The following CAGE1 variants were observed in gnomAD, a reference collection of about 807,000 sequenced individuals.
The protein encoded by CAGE1 is cancer-associated gene 1 protein.
A neutral mutation model predicts 94.9 loss-of-function variants in CAGE1; 66 were observed. That is an observed-to-expected ratio of 0.70 (90% CI 0.57 to 0.85). The LOEUF is 0.85. Ranked by LOEUF, CAGE1 falls within the 40% of genes least tolerant of loss-of-function variation. The pLI, the probability that CAGE1 is intolerant of heterozygous loss-of-function variation, is 0.00. For missense variants in CAGE1, 865 were observed against 950.4 expected (o/e 0.91, Z 1.18); for synonymous variants, 319 against 321.0 (o/e 0.99, Z 0.07).
At chr6:7,328,927 TATATATA>T (rs369091906) in intron 13 of CAGE1, among the ~76,000 whole-genome samples, 166 of 103,170 alleles carry the variant, frequency 1.6e-3, no homozygotes, top group East Asian at 0.015. Context: ...TGTATATATA[TATATATA>T]TTTTTTTTTT....
intron 13 of CAGE1, among the ~76,000 whole-genome samples, chr6:7,328,925 TATA>T (rs1561843919): frequency 1.2e-4 from 12 of 101,044 alleles, no homozygotes; most frequent in East Asian, 5.6e-4. Context: ...TGTGTATATA[TATA>T]TATATATTTT....
At chr6:7,346,038 CTGATGA>C (rs1328138767) in intron 11 of CAGE1, among the ~76,000 whole-genome samples, 3 of 151,780 alleles carry the variant, frequency 2.0e-5, no homozygotes, top group African/African-American at 7.3e-5. Flanking sequence ...GAATATTGTT[CTGATGA>C]TGTGTGTATT....
In CAGE1 at chr6:7,389,407, T is replaced by G. The variant is rs1243404090; in HGVS notation, c.-229A>C. 4.5e-6 allele frequency: 2 copies of G among 448,926 alleles called. No homozygotes were observed. Among genetic ancestry groups the G allele is most frequent in the Non-Finnish European group, 9.0e-6 (2 of 222,784 alleles). The allele number at this position is 448,926 out of a possible 1,614,324, so 27.8% of individuals were successfully genotyped here. ...ACCAAGGACTCTCACAAACTCGCAA[T>G]CGGGCTCCCGGAGTGCTGGAACGCC... On this transcript the variant is annotated 5_prime_UTR_variant, in exon 1 of 14. Transcript: ENST00000502583.
chr6:7,344,520 G>A (rs949158507), intron 11 of CAGE1, among the ~76,000 whole-genome samples: 2 of 152,226 alleles, frequency 1.3e-5, no homozygotes, highest in Non-Finnish European at 2.9e-5. Context: ...GAGCTCCTGT[G>A]CGGCCCAGCC....
intron 4 of CAGE1, among the ~76,000 whole-genome samples, chr6:7,377,538 G>C (rs751840364): frequency 5.3e-5 from 8 of 152,054 alleles, no homozygotes; most frequent in Admixed American, 3.9e-4. Context: ...TTCAAGACCA[G>C]CCTGGCCAAC....
Position 7,341,640 on chromosome 6 carries a change from C to A in CAGE1, c.2370-7550G>T, listed in dbSNP as rs1010072328. On this transcript the variant is annotated intron_variant, in intron 11 of 13. Coordinates refer to ENST00000502583, the MANE Select transcript of CAGE1 (RefSeq NM_001170692.2). Reference sequence around the variant, plus strand: ...ACAGATGGGTGTTTGCAACAGTGATCTCACTCTCCAGGTGGACAGGAATCA... The same window carrying A: ...ACAGATGGGTGTTTGCAACAGTGATATCACTCTCCAGGTGGACAGGAATCA... The A allele has an allele frequency of 6.7e-6, 5 of 746,338 alleles. No individual in the cohort carries two copies. The Admixed American group carries it at 7.0e-5, about 10-fold the overall frequency. 46.2% of individuals were successfully genotyped at this position (746,338 alleles called of 1,614,324 possible). A position where few individuals can be genotyped will look rare whatever the true frequency, so the allele number is the denominator to read the frequency against.
At chr6:7,349,765 T>C (rs967101652) in intron 11 of CAGE1, among the ~76,000 whole-genome samples, 1 of 151,746 alleles carries the variant, frequency 6.6e-6, no homozygotes, top group Non-Finnish European at 1.5e-5. Flanking sequence ...AAACCCCATC[T>C]TTACTACAAA....
In CAGE1 at chr6:7,346,431, C is replaced by G. The variant is rs935097131; in HGVS notation, c.2369+8610G>C. Among the ~76,000 whole-genome samples the G allele has an allele frequency of 2.6e-5, 4 of 151,964 alleles. No individual in the cohort carries two copies. In the South Asian group the frequency reaches 8.3e-4, roughly 32 times the overall value. ...ACGCATGGTGGTGCATGCCTGTAGT[C>G]CCAGCTACTTGGGAGGCTGAGGTGG... is the stretch of plus-strand genomic sequence containing the variant. On this transcript the variant is annotated intron_variant, in intron 11 of 13. Coordinates refer to ENST00000502583, the MANE Select transcript of CAGE1 (RefSeq NM_001170692.2).
intron 12 of CAGE1, among the ~76,000 whole-genome samples, chr6:7,330,499 T>G (rs188838672): frequency 6.6e-6 from 1 of 152,344 alleles, no homozygotes; most frequent in Non-Finnish European, 1.5e-5. Context: ...ATGAATTTCC[T>G]TGAAAGTCAT....
At chr6:7,331,081 AC>A (rs764615599) in intron 12 of CAGE1, among the ~76,000 whole-genome samples, 4 of 152,142 alleles carry the variant, frequency 2.6e-5, no homozygotes, top group Admixed American at 6.5e-5. Context: ...GTCATAGTTA[AC>A]CTATCACTTG....
rs542589953 is a variant in CAGE1 at position 7,376,068 on chromosome 6, T to C, written c.688-1937A>G. Among the ~76,000 whole-genome samples the C allele has an allele frequency of 1.8e-4, 28 of 152,238 alleles. No individual in the cohort carries two copies. The South Asian group carries it at 5.6e-3, about 30-fold the overall frequency. On this transcript the variant is annotated intron_variant, in intron 4 of 13. Coordinates refer to ENST00000502583, the MANE Select transcript of CAGE1 (RefSeq NM_001170692.2). ...AAATGTTGTTATCACAGGAGTGTGTTAGTTATCACAAGTGGATTTGTTACA... is the reference window on the plus strand; with the variant it reads ...AAATGTTGTTATCACAGGAGTGTGTCAGTTATCACAAGTGGATTTGTTACA...
At chr6:7,371,382 T>C (rs2113448025) in intron 5 of CAGE1, among the ~76,000 whole-genome samples, 1 of 152,278 alleles carries the variant, frequency 6.6e-6, no homozygotes, top group South Asian at 2.1e-4. Flanking sequence ...TTAAAAACAG[T>C]AAAATCATTC....
chr6:7,364,542 C>T (rs1371417709), intron 9 of CAGE1, among the ~76,000 whole-genome samples: 1 of 152,134 alleles, frequency 6.6e-6, no homozygotes, highest in African/African-American at 2.4e-5. Context: ...GATCTCAGCT[C>T]ACTGCAACCT....
intron 9 of CAGE1, among the ~76,000 whole-genome samples, chr6:7,360,796 A>T (rs939170648): frequency 6.6e-6 from 1 of 151,920 alleles, no homozygotes; most frequent in Non-Finnish European, 1.5e-5. Context: ...AATACCAAAA[A>T]ATTAGCCAGG....
chr6:7,345,043 G>GT (rs1759379672), intron 11 of CAGE1, among the ~76,000 whole-genome samples: 2 of 152,210 alleles, frequency 1.3e-5, no homozygotes, highest in African/African-American at 2.4e-5. Flanking sequence ...GCCCAAGCCA[G>GT]CAGCGGCAGA....
At chr6:7,327,445 C>T (rs1758576868) in intron 13 of CAGE1, among the ~76,000 whole-genome samples, 1 of 152,120 alleles carries the variant, frequency 6.6e-6, no homozygotes, top group Non-Finnish European at 1.5e-5. Flanking sequence ...ACCTGGCCCC[C>T]AACACTATAT....
At chr6:7,370,609 T>A (rs999236061) in intron 5 of CAGE1, among the ~76,000 whole-genome samples, 5 of 148,592 alleles carry the variant, frequency 3.4e-5, no homozygotes, top group Non-Finnish European at 6.0e-5. Context: ...AACAATTTTT[T>A]AAAAAAACAA....
chr6:7,368,385 G>C (rs1407575684), intron 7 of CAGE1, among the ~76,000 whole-genome samples: 1 of 151,802 alleles, frequency 6.6e-6, no homozygotes, highest in African/African-American at 2.4e-5. Flanking sequence ...GATGAAGTTT[G>C]AAATCACTAT....
At chr6:7,345,221 G>GC (rs1440183619) in intron 11 of CAGE1, among the ~76,000 whole-genome samples, 1 of 148,752 alleles carries the variant, frequency 6.7e-6, no homozygotes, top group Non-Finnish European at 1.5e-5. Context: ...GTTAGTATAA[G>GC]CTACCAGCCT....
Sources: allele counts gnomAD v4.1 joint callset (sites outside exome capture counted in the v4.1 genomes callset), GRCh38; gene constraint gnomAD v4.1.1; transcripts MANE v1.5; gene names NCBI Gene and HGNC (gene_info 2026-07-23, HGNC 2026-07-21).